PPP2R5A: variants seen among roughly 807,000 people sequenced by gnomAD.
PPP2R5A encodes protein phosphatase 2 regulatory subunit B'alpha.
In PPP2R5A, 25 loss-of-function variants were observed where a neutral mutation model predicts 64.2. That is an observed-to-expected ratio of 0.39 (90% CI 0.28 to 0.54). The LOEUF is 0.54. Ranked by LOEUF, PPP2R5A falls within the 20% of genes least tolerant of loss-of-function variation. PPP2R5A has a pLI of 0.67. For synonymous variants in PPP2R5A, 198 were observed against 201.2 expected, an observed-to-expected ratio of 0.98 and a Z score of 0.13; for missense variants, 425 against 576.3, an observed-to-expected ratio of 0.74 and a Z score of 2.69.
intron 1 of PPP2R5A, among the ~76,000 whole-genome samples, chr1:212,297,127 TTTTTTTTTTTTG>T (rs1286239879): frequency 0.072 from 915 of 12,742 alleles, 235 homozygotes; most frequent in African/African-American, 0.27. Context: ...TTTTTTTTTT[TTTTTTTTTTTTG>T]GAGACGGAGT....
chr1:212,317,966 AAAAGT>A (rs906590156), intron 1 of PPP2R5A, among the ~76,000 whole-genome samples: 1 of 152,228 alleles, frequency 6.6e-6, no homozygotes, highest in African/African-American at 2.4e-5. Context: ...AATTAAAAAA[AAAAGT>A]GTGAGCCAAA....
chr1:212,333,411 A>G, intron 2 of PPP2R5A, 86 bp from the exon 3 acceptor site: 1 of 839,436 alleles, frequency 1.2e-6, no homozygotes, highest in Non-Finnish European at 1.7e-6. Context: ...CTTTTTTCTG[A>G]AAGTGATCTT....
chr1:212,316,734 G>T (rs746850001), intron 1 of PPP2R5A, among the ~76,000 whole-genome samples: 2 of 151,548 alleles, frequency 1.3e-5, no homozygotes, highest in Non-Finnish European at 2.9e-5. Context: ...AGTCTCTGGC[G>T]ATCCTTTATT....
Position 212,356,621 on chromosome 1 carries a change from C to T in PPP2R5A, c.928-5C>T, listed in dbSNP as rs374262161. 347 of 1,604,188 alleles carry T rather than the reference C, an allele frequency of 2.2e-4. No individual in the cohort carries two copies. Among genetic ancestry groups the T allele is most frequent in the Non-Finnish European group, 2.6e-4 (304 of 1,176,868 alleles). On this transcript the variant is annotated splice_polypyrimidine_tract_variant and splice_region_variant and intron_variant, in intron 8 of 12. Transcript: ENST00000261461. ...AATTCATGCTAAACTTTTTCTTTTT[C>T]GCAGGTGATCAGAGGACTGCTGAAA...
At chr1:212,316,954 G>A (rs1659165943) in intron 1 of PPP2R5A, among the ~76,000 whole-genome samples, 1 of 152,090 alleles carries the variant, frequency 6.6e-6, no homozygotes, top group South Asian at 2.1e-4. Context: ...TTTTGGAGTG[G>A]GATGGTAGAC....
intron 1 of PPP2R5A, among the ~76,000 whole-genome samples, chr1:212,301,405 G>C (rs1194455747): frequency 6.6e-6 from 1 of 152,186 alleles, no homozygotes; most frequent in East Asian, 1.9e-4. Flanking sequence ...TTAAGTTCTT[G>C]AAAGTTTTAG....
rs927532888 is a variant in PPP2R5A at position 212,361,685 on chromosome 1, T to C, written c.*915T>C. On this transcript the variant is annotated 3_prime_UTR_variant, in exon 13 of 13. Transcript: ENST00000261461. ...CTTCCTCTGTAGAGCTCTGAAAAGG[T>C]TGACTATATAGAGGTCTTGTATGTT... 2 of 152,700 alleles carry C rather than the reference T, an allele frequency of 1.3e-5. No homozygotes were observed. Among genetic ancestry groups the C allele is most frequent in the Non-Finnish European group, 2.9e-5 (2 of 68,046 alleles). The allele number at this position is 152,700 out of a possible 1,614,324, so 9.5% of individuals were successfully genotyped here. A position where few individuals can be genotyped will look rare whatever the true frequency, so the allele number is the denominator to read the frequency against.
chr1:212,315,659 C>T (rs1659137175), intron 1 of PPP2R5A, among the ~76,000 whole-genome samples: 1 of 152,066 alleles, frequency 6.6e-6, no homozygotes, highest in African/African-American at 2.4e-5. Flanking sequence ...TTTATTATTT[C>T]TCTGATATTT....
At chr1:212,298,804 C>T (rs1186669030) in intron 1 of PPP2R5A, among the ~76,000 whole-genome samples, 1 of 36,134 alleles carries the variant, frequency 2.8e-5, no homozygotes, top group Admixed American at 2.0e-4. Context: ...GCAGAGGGGT[C>T]CTCACTTCCC....
intron 3 of PPP2R5A, among the ~76,000 whole-genome samples, chr1:212,337,119 T>G (rs1659604505): frequency 6.6e-6 from 1 of 152,186 alleles, no homozygotes; most frequent in South Asian, 2.1e-4. Context: ...ATTTCAGTAT[T>G]AGGGGATAGG....
intron 9 of PPP2R5A, 26 bp from the exon 10 acceptor site, chr1:212,356,924 C>A: frequency 6.8e-7 from 1 of 1,475,938 alleles, no homozygotes; most frequent in East Asian, 2.4e-5. Context: ...TATCATGTTT[C>A]TTAAAATAAA....
intron 1 of PPP2R5A, chr1:212,309,144 G>A (rs1263226241): frequency 2.2e-5 from 25 of 1,161,908 alleles, no homozygotes; most frequent in Admixed American, 1.7e-5. Context: ...GAATCAGGGT[G>A]TTGACCTTGG....
chr1:212,309,089 A>T (rs1658975723), intron 1 of PPP2R5A: 1 of 863,494 alleles, frequency 1.2e-6, no homozygotes, highest in Non-Finnish European at 2.0e-6. Context: ...AAAGCATTGT[A>T]ATCAGGAGCC....
chr1:212,340,687 T>C (rs1659671852), intron 3 of PPP2R5A, among the ~76,000 whole-genome samples: 1 of 152,238 alleles, frequency 6.6e-6, no homozygotes, highest in Admixed American at 6.5e-5. Flanking sequence ...CACAAAATGT[T>C]AGGTAACATT....
chr1:212,296,607 A>G (rs1658694985), intron 1 of PPP2R5A, among the ~76,000 whole-genome samples: 2 of 152,352 alleles, frequency 1.3e-5, no homozygotes, highest in South Asian at 2.1e-4. Flanking sequence ...AGCACAAAAT[A>G]TGCCGGGACA....
intron 8 of PPP2R5A, among the ~76,000 whole-genome samples, chr1:212,355,120 G>A (rs946245406): frequency 6.6e-6 from 1 of 152,094 alleles, no homozygotes; most frequent in Non-Finnish European, 1.5e-5. Flanking sequence ...AGTATTTCTT[G>A]CAAATTTATT....
At chr1:212,357,363 C>A in intron 11 of PPP2R5A, 79 bp downstream of exon 11, 1 of 1,285,726 alleles carries the variant, frequency 7.8e-7, no homozygotes, top group Non-Finnish European at 1.0e-6. Flanking sequence ...CTAACTCATA[C>A]TTGAAACCTA....
intron 1 of PPP2R5A, among the ~76,000 whole-genome samples, chr1:212,317,613 C>T (rs1315512108): frequency 6.6e-6 from 1 of 151,874 alleles, no homozygotes; most frequent in African/African-American, 2.4e-5. Flanking sequence ...TGATTGTGAC[C>T]CACTAACTTG....
chr1:212,292,696 A>G (rs1333368240), intron 1 of PPP2R5A, among the ~76,000 whole-genome samples: 2 of 152,108 alleles, frequency 1.3e-5, no homozygotes, highest in African/African-American at 4.8e-5. Context: ...AGTAGCTAGG[A>G]CTACAGGTGT....
Sources: allele counts gnomAD v4.1 joint callset (sites outside exome capture counted in the v4.1 genomes callset), GRCh38; gene constraint gnomAD v4.1.1; transcripts MANE v1.5; gene names NCBI Gene and HGNC (gene_info 2026-07-23, HGNC 2026-07-21).